Variants in ATG2A observed in about 807,000 individuals in gnomAD.
The protein encoded by ATG2A is autophagy-related protein 2 homolog A.
A neutral mutation model predicts 214.2 loss-of-function variants in ATG2A; 103 were observed. That is an observed-to-expected ratio of 0.48 (90% confidence interval 0.41 to 0.57). The LOEUF (loss-of-function observed/expected upper bound fraction) is 0.57, where lower values mean the gene tolerates loss of function less well. Ranked by LOEUF, ATG2A falls within the 20% of genes least tolerant of loss-of-function variation. ATG2A has a pLI of 0.00. For missense variants in ATG2A, 2,312 were observed against 2,613.2 expected, an observed-to-expected ratio of 0.88 and a Z score of 2.51; for synonymous variants, 1,160 against 1,142.1, an observed-to-expected ratio of 1.02 and a Z score of -0.32.
Position 64,912,187 on chromosome 11 carries a change from G to A in ATG2A, c.985C>T (p.Leu329=). 6.2e-7 allele frequency: 1 copy of A among 1,613,932 alleles called. No individual in the cohort carries two copies. Among genetic ancestry groups the A allele is most frequent in the East Asian group, 2.2e-5 (1 of 44,884 alleles). Residue 329 remains leucine, a synonymous_variant, in exon 8 of 41, where the codon CTG becomes TTG. Transcript: ENST00000377264. The stretch of plus-strand genomic sequence containing the variant: ...TGCTGGTTCAGGTCCTGCTCAATCA[G>A]CCACAGGTCTTCGGCACCTAGCGGG... ...SRPLGAEDLW[L]IEQDLNQQLQ... is the part of the protein sequence containing the mutation.
In ATG2A at chr11:64,906,827, G is replaced by A. The variant is rs375271899; in HGVS notation, c.2833-12C>T. ...TTCCCACCCTCATCCTGCAGAAGGA[G>A]CACACAGCCTGGCTTCCCCAGCTGC... On this transcript the variant is annotated splice_polypyrimidine_tract_variant and intron_variant, in intron 19 of 40. Coordinates refer to ENST00000377264, the MANE Select transcript of ATG2A (RefSeq NM_015104.3). 4.3e-6 allele frequency: 7 copies of A among 1,610,444 alleles called. No individual in the cohort carries two copies. The highest frequency in any genetic ancestry group is 5.9e-6 in the Non-Finnish European group (7 of 1,178,988).
At position 64,909,557 on chromosome 11, in the gene ATG2A, G is replaced by A. The variant is rs927783406; in HGVS notation, c.2107+124C>T. The A allele has an allele frequency of 4.4e-5, 66 of 1,504,290 alleles. No individual in the cohort carries two copies. The Admixed American group carries it at 1.2e-3, about 27-fold the overall frequency. The allele number at this position is 1,504,290 out of a possible 1,614,324, so 93.2% of individuals were successfully genotyped here. ...GGGACAGGCAGTGCTGGGACCCCAAGAGCTGGTAAAGGCCTGGGCCAGGGA... is the reference window on the plus strand; with the variant it reads ...GGGACAGGCAGTGCTGGGACCCCAAAAGCTGGTAAAGGCCTGGGCCAGGGA... On this transcript the variant is annotated intron_variant, in intron 14 of 40. Transcript: ENST00000377264.
At position 64,902,327 on chromosome 11, in the gene ATG2A, G is replaced by A. The variant is rs1393420973; in HGVS notation, c.3837C>T (p.Asn1279=). 2 of 1,610,072 alleles carry A rather than the reference G, an allele frequency of 1.2e-6. No homozygotes were observed. Among genetic ancestry groups the A allele is most frequent in the African/African-American group, 2.7e-5 (2 of 74,876 alleles). The change falls in exon 28 of 41, where the codon AAC becomes AAT. Residue 1279 remains asparagine, a synonymous_variant. Coordinates refer to ENST00000377264, the MANE Select transcript of ATG2A (RefSeq NM_015104.3). The stretch of plus-strand genomic sequence containing the variant: ...GGAGGGCGTCGGCCAGGTCACGCTG[G>A]TTGATGAGGGCCGTCTCCACTGGGG... ...SCPPVETALI[N]QRDLADALLD... is the part of the protein sequence containing the mutation.
chr11:64,896,689 G>C, intron 38 of ATG2A, 59 bp downstream of exon 38: 1 of 1,607,050 alleles, frequency 6.2e-7, no homozygotes. Context: ...CCCAATGGCA[G>C]CTTCTAGGTT....
chr11:64,908,624 A>C (rs1944645786), intron 16 of ATG2A, among the ~76,000 whole-genome samples: 1 of 152,322 alleles, frequency 6.6e-6, no homozygotes, highest in East Asian at 1.9e-4. Flanking sequence ...ACTCATCTAT[A>C]GGTAACTCTT....
rs1325390679 is a variant in ATG2A, at chr11:64,900,522, T to C, written c.4436A>G (p.His1479Arg). The change falls in exon 31 of 41, where the codon CAT becomes CGT. Residue 1479 changes from histidine (H) to arginine (R), a missense_variant. Physicochemically the swap from His to Arg is conservative, Grantham distance 29. Transcript: ENST00000377264. ...GCTCAGCTGGATCTCCATGAGGACA[T>C]GGTGCTGCCGCCCGCTGCCCCCCTG... ...RTQGGSGRQH[H>R]VLMEIQLSKV... The C allele has an allele frequency of 3.7e-6, 6 of 1,613,430 alleles. No individual in the cohort carries two copies. The highest frequency in any genetic ancestry group is 3.3e-5 in the Admixed American group (2 of 60,008).
rs1430809411 is a variant in ATG2A, at chr11:64,903,651, G to A, written c.3474C>T (p.Leu1158=). The change falls in exon 25 of 41, where the codon CTC becomes CTT. Residue 1158 remains leucine (L), a synonymous_variant. Coordinates refer to ENST00000377264, the MANE Select transcript of ATG2A (RefSeq NM_015104.3). The surrounding 1 kb of genome is among the most constrained non-coding windows in gnomAD (Gnocchi z 4.2). ...DTSTFLLRFI[L]DDSALYLSDK... ...CGGACAGGTACAAGGCGGAGTCATCGAGGATGAACCTGGGGGGGAACAGGG... is the reference window on the plus strand; with the variant it reads ...CGGACAGGTACAAGGCGGAGTCATCAAGGATGAACCTGGGGGGGAACAGGG... 7.1e-6 allele frequency: 11 copies of A among 1,549,632 alleles called. No homozygotes were observed. The highest frequency in any genetic ancestry group is 4.1e-5 in the African/African-American group (3 of 73,034).
At chr11:64,909,393 G>A (rs764183966) in intron 14 of ATG2A, 26 bp from the exon 15 acceptor site, 2 of 1,597,284 alleles carry the variant, frequency 1.3e-6, no homozygotes, top group Admixed American at 3.3e-5. Flanking sequence ...GAATTAGGGG[G>A]GTCATCACTG....
rs1295895735 is a variant in ATG2A, at chr11:64,906,057, C to A, written c.3264+56G>T. ...TCCTCCCACCTAGAGACCTGCTTGC[C>A]CAAAACAGAAGTCCAGAGTCACTGG... On this transcript the variant is annotated intron_variant, in intron 22 of 40. Transcript: ENST00000377264. 16 of 1,534,062 alleles carry A rather than the reference C, an allele frequency of 1.0e-5. No homozygotes were observed. In the Admixed American group the frequency reaches 3.0e-4, roughly 29 times the overall value.
At position 64,905,859 on chromosome 11, in the gene ATG2A, C is replaced by A; in HGVS notation, c.3265-11G>T. On this transcript the variant is annotated splice_polypyrimidine_tract_variant and intron_variant, in intron 22 of 40. Transcript: ENST00000377264. ...TAGGAACTCCAACAACTTCAGAGGCCAGGGCAGGAGGAAGCAGTGAGGATC... is the reference window on the plus strand; with the variant it reads ...TAGGAACTCCAACAACTTCAGAGGCAAGGGCAGGAGGAAGCAGTGAGGATC... 1 of 1,612,164 alleles carries A rather than the reference C, an allele frequency of 6.2e-7. No individual in the cohort carries two copies. Among genetic ancestry groups the A allele is most frequent in the Non-Finnish European group, 8.5e-7 (1 of 1,179,188 alleles).
rs760957559 is a variant in ATG2A at position 64,898,078 on chromosome 11, C to T, written c.4858+8G>A. ...CCAGACGCTCCCCTCCCTGGCCCAGCCTCTCACCCTCAGCGGAGGTCTCCC... is the reference window on the plus strand; with the variant it reads ...CCAGACGCTCCCCTCCCTGGCCCAGTCTCTCACCCTCAGCGGAGGTCTCCC... On this transcript the variant is annotated splice_region_variant and intron_variant, in intron 34 of 40. Coordinates refer to ENST00000377264, the MANE Select transcript of ATG2A (RefSeq NM_015104.3). The surrounding 1 kb of genome is among the most constrained non-coding windows in gnomAD (Gnocchi z 4.5). 8.7e-6 allele frequency: 14 copies of T among 1,613,532 alleles called. No individual in the cohort carries two copies. The highest frequency in any genetic ancestry group is 6.7e-5 in the Admixed American group (4 of 59,988).
Position 64,913,506 on chromosome 11 carries a change from G to A in ATG2A, c.591-105C>T. On this transcript the variant is annotated intron_variant, in intron 4 of 40. Coordinates refer to ENST00000377264, the MANE Select transcript of ATG2A (RefSeq NM_015104.3). This position sits in a 1 kb window ranked among gnomAD's most constrained non-coding sequence, Gnocchi z 4.3. ...GGCACGGGGTCAGGGAGCCTAGCCT[G>A]CAGAGCTGCCCCATCACACCTAGGC... is the stretch of plus-strand genomic sequence containing the variant. 1 of 1,385,310 alleles carries A rather than the reference G, an allele frequency of 7.2e-7. No homozygotes were observed. The highest frequency in any genetic ancestry group is 2.5e-5 in the East Asian group (1 of 39,748). 85.8% of individuals were successfully genotyped at this position (1,385,310 alleles called of 1,614,324 possible).
intron 37 of ATG2A, 188 bp from the exon 38 acceptor site, chr11:64,897,057 G>A (rs1437989329): frequency 1.9e-5 from 16 of 858,100 alleles, no homozygotes; most frequent in African/African-American, 5.2e-5. Flanking sequence ...GTCTTGCTCC[G>A]TTGCCCAGGC....
chr11:64,894,812 G>A lies in ATG2A; in HGVS notation c.*161C>T, dbSNP rs1944088606. On this transcript the variant is annotated 3_prime_UTR_variant, in exon 41 of 41. Transcript: ENST00000377264. ...AGGGCTAAGGCCCCAAGGCAGGGAGGCCCCCCTCTCACAGCAGATTGGCAA... is the reference window on the plus strand; with the variant it reads ...AGGGCTAAGGCCCCAAGGCAGGGAGACCCCCCTCTCACAGCAGATTGGCAA... The A allele has an allele frequency of 1.1e-6, 1 of 897,524 alleles. No homozygotes were observed. Among genetic ancestry groups the A allele is most frequent in the African/African-American group, 1.6e-5 (1 of 61,406 alleles). 55.6% of individuals were successfully genotyped at this position (897,524 alleles called of 1,614,324 possible). A position where few individuals can be genotyped will look rare whatever the true frequency, so the allele number is the denominator to read the frequency against.
chr11:64,911,388 G>A, intron 9 of ATG2A, 113 bp from the exon 10 acceptor site: 1 of 1,073,566 alleles, frequency 9.3e-7, no homozygotes, highest in Non-Finnish European at 1.4e-6. Context: ...CCCACCATGT[G>A]GCTCTGGCAG....
chr11:64,905,483 G>T, intron 24 of ATG2A, 80 bp downstream of exon 24: 1 of 1,386,428 alleles, frequency 7.2e-7, no homozygotes, highest in Non-Finnish European at 1.0e-6. Context: ...TTAAGACCGA[G>T]AGCACCAGAG....
At chr11:64,901,862 G>T in intron 29 of ATG2A, 100 bp downstream of exon 29, 1 of 1,368,984 alleles carries the variant, frequency 7.3e-7, no homozygotes, top group South Asian at 1.3e-5. Flanking sequence ...CTCTCACCAC[G>T]GGAGCTCCAG....
At chr11:64,914,554 C>T (rs1703066339) in intron 1 of ATG2A, 54 bp from the exon 2 acceptor site, 1 of 1,582,826 alleles carries the variant, frequency 6.3e-7, no homozygotes, top group Non-Finnish European at 8.6e-7. Flanking sequence ...ATCCCACAGG[C>T]TGGCACAGCC....
chr11:64,910,979 G>C, intron 10 of ATG2A, 25 bp from the exon 11 acceptor site: 1 of 1,613,550 alleles, frequency 6.2e-7, no homozygotes, highest in Non-Finnish European at 8.5e-7. Flanking sequence ...ACAGGCGTCA[G>C]AAGGTGCACT....
Sources: gnomAD v4.1 joint callset for allele counts (sites outside exome capture counted in the v4.1 genomes callset) on GRCh38, gnomAD v4.1.1 for gene constraint, Gnocchi (gnomAD v3.1) non-coding constraint, MANE v1.5 for transcripts, NCBI Gene and HGNC (gene_info 2026-07-23, HGNC 2026-07-21) for gene names.